NAV3: variants seen among roughly 807,000 people sequenced by gnomAD.
NAV3 encodes pore membrane and/or filament interacting like protein 1.
A neutral mutation model predicts 244.7 loss-of-function variants in NAV3; 87 were observed. That is an observed-to-expected ratio of 0.36 (90% confidence interval 0.30 to 0.42). NAV3 has a LOEUF of 0.42. Among genes scored for constraint, NAV3 ranks in the 20% least tolerant of loss-of-function variants. NAV3 has a pLI of 1.00. For missense variants in NAV3, 2,663 were observed against 2,893.3 expected (o/e 0.92, Z 1.83); for synonymous variants, 1,126 against 1,042.2 (o/e 1.08, Z -1.55).
Position 78,185,724 on chromosome 12 carries a change from A to G in NAV3, c.5790+26A>G, listed in dbSNP as rs374283919. ...GTACTTCTTTAATCTTAAACTCTTTATTACTAACAATGAGAATTACCATGA... is the reference window on the plus strand; with the variant it reads ...GTACTTCTTTAATCTTAAACTCTTTGTTACTAACAATGAGAATTACCATGA... On this transcript the variant is annotated intron_variant, in intron 31 of 39. Transcript: ENST00000397909. 2.6e-6 allele frequency: 4 copies of G among 1,562,832 alleles called. No individual in the cohort carries two copies. The African/African-American group carries it at 5.4e-5, about 21-fold the overall frequency.
chr12:77,789,424 G>A (rs1175054025), intron 2 of NAV3, among the ~76,000 whole-genome samples: 1 of 151,950 alleles, frequency 6.6e-6, no homozygotes, highest in Non-Finnish European at 1.5e-5. Context: ...GTCTAGGACA[G>A]GGGTGTCCAA....
intron 2 of NAV3, among the ~76,000 whole-genome samples, chr12:77,663,875 T>C (rs1873592300): frequency 6.6e-6 from 1 of 152,238 alleles, no homozygotes; most frequent in Non-Finnish European, 1.5e-5. Context: ...TCTGTATATC[T>C]ATGTATATAG....
At chr12:77,618,998 T>C (rs985445796) in intron 2 of NAV3, among the ~76,000 whole-genome samples, 1 of 152,232 alleles carries the variant, frequency 6.6e-6, no homozygotes, top group African/African-American at 2.4e-5. Context: ...ACATAAGAAT[T>C]GCCTTAGGAG....
At chr12:78,060,709 T>C (rs1310462478) in intron 12 of NAV3, among the ~76,000 whole-genome samples, 1 of 152,066 alleles carries the variant, frequency 6.6e-6, no homozygotes, top group African/African-American at 2.4e-5. Context: ...AAGGATGTTA[T>C]GAAAGAGAAA....
chr12:77,777,841 C>T (rs1351227723), intron 2 of NAV3, among the ~76,000 whole-genome samples: 1 of 150,392 alleles, frequency 6.6e-6, no homozygotes, highest in Non-Finnish European at 1.5e-5. Flanking sequence ...GAGTCTTGCT[C>T]TGTCACCAGG....
intron 2 of NAV3, among the ~76,000 whole-genome samples, chr12:77,602,231 G>A (rs1484982868): frequency 1.3e-5 from 2 of 151,958 alleles, no homozygotes; most frequent in African/African-American, 4.8e-5. Flanking sequence ...GGATGGCAAT[G>A]TACCCAGCTA....
intron 11 of NAV3, chr12:78,056,404 A>G (rs1305474795): frequency 6.6e-6 from 1 of 152,174 alleles, no homozygotes; most frequent in Non-Finnish European, 1.5e-5. Flanking sequence ...GTTTAATTTG[A>G]TGGTGTTTCT....
chr12:77,573,602 T>C (rs958280416), intron 2 of NAV3, among the ~76,000 whole-genome samples: 1 of 152,162 alleles, frequency 6.6e-6, no homozygotes, highest in African/African-American at 2.4e-5. Context: ...CCAGAGGAGA[T>C]GTCACAGTAA....
chr12:78,160,135 G>T (rs925650722), intron 23 of NAV3, among the ~76,000 whole-genome samples: 2 of 152,028 alleles, frequency 1.3e-5, no homozygotes, highest in Non-Finnish European at 2.9e-5. Flanking sequence ...AAAGTCATTT[G>T]TTATATCAAA....
intron 3 of NAV3, among the ~76,000 whole-genome samples, chr12:77,948,180 C>A (rs1317806461): frequency 6.6e-6 from 1 of 151,900 alleles, no homozygotes; most frequent in South Asian, 2.1e-4. Flanking sequence ...TTTGGTCTGC[C>A]ATTTAGAAAT....
At chr12:77,789,362 C>T (rs966721109) in intron 2 of NAV3, among the ~76,000 whole-genome samples, 3 of 152,104 alleles carry the variant, frequency 2.0e-5, no homozygotes, top group African/African-American at 7.2e-5. Flanking sequence ...CTTTCTTTTC[C>T]CCAAAACTCC....
At chr12:77,931,510 G>C (rs925969054) in intron 1 of NAV3, among the ~76,000 whole-genome samples, 2 of 151,852 alleles carry the variant, frequency 1.3e-5, no homozygotes, top group Admixed American at 1.3e-4. Context: ...TTTTATTTCA[G>C]AGAATTTTAT....
At chr12:77,667,134 G>A (rs1001802612) in intron 2 of NAV3, among the ~76,000 whole-genome samples, 10 of 152,302 alleles carry the variant, frequency 6.6e-5, no homozygotes, top group Middle Eastern at 3.4e-3. Context: ...TTAAGATGGC[G>A]AGTAGGAGGC....
intron 2 of NAV3, among the ~76,000 whole-genome samples, chr12:77,696,173 C>G (rs1875287777): frequency 6.6e-6 from 1 of 152,142 alleles, no homozygotes. Flanking sequence ...GATACCTATG[C>G]CCTTATGTAA....
At position 78,118,385 on chromosome 12, in the gene NAV3, C is replaced by G. The variant is rs772744870; in HGVS notation, c.3040+88C>G. Reference sequence around the variant, plus strand: ...TTTGTTTTCTCTAACAATAGCATTTCTAAAATACCAAATTCTTATCCATAT... The same window carrying G: ...TTTGTTTTCTCTAACAATAGCATTTGTAAAATACCAAATTCTTATCCATAT... On this transcript the variant is annotated intron_variant, in intron 14 of 39. Coordinates refer to ENST00000397909, the MANE Select transcript of NAV3 (RefSeq NM_001024383.2). The G allele has an allele frequency of 4.1e-6, 6 of 1,456,656 alleles. No individual in the cohort carries two copies. In the East Asian group the frequency reaches 9.3e-5, roughly 22 times the overall value. 90.2% of individuals were successfully genotyped at this position (1,456,656 alleles called of 1,614,324 possible).
At chr12:78,111,027 A>G (rs556873876) in intron 12 of NAV3, among the ~76,000 whole-genome samples, 1 of 152,176 alleles carries the variant, frequency 6.6e-6, no homozygotes, top group South Asian at 2.1e-4. Context: ...GAAAGGATGA[A>G]TGGAGGGTAG....
At chr12:77,857,818 T>G (rs1197886843) in intron 1 of NAV3, among the ~76,000 whole-genome samples, 1 of 151,932 alleles carries the variant, frequency 6.6e-6, no homozygotes, top group Non-Finnish European at 1.5e-5. Flanking sequence ...GGGTGAAAAC[T>G]GAACCCCCCC....
intron 2 of NAV3, among the ~76,000 whole-genome samples, chr12:77,778,802 TC>T (rs1870520949): frequency 1.3e-5 from 2 of 152,122 alleles, no homozygotes; most frequent in Admixed American, 6.5e-5. Context: ...TCAAGTATTC[TC>T]TTTGGTAAAA....
At chr12:78,168,982 T>A (rs1222108684) in intron 24 of NAV3, 116 bp downstream of exon 24, 2 of 603,794 alleles carry the variant, frequency 3.3e-6, no homozygotes, top group Non-Finnish European at 5.7e-6. Flanking sequence ...ACATACTAGT[T>A]GTATTAATAG....
Sources: allele counts gnomAD v4.1 joint callset (sites outside exome capture counted in the v4.1 genomes callset), GRCh38; gene constraint gnomAD v4.1.1; transcripts MANE v1.5; gene names NCBI Gene and HGNC (gene_info 2026-07-23, HGNC 2026-07-21).